Variants in GALNT13 observed in about 807,000 individuals in gnomAD.
GALNT13 encodes UDP-GalNAc:polypeptide N-acetylgalactosaminyltransferase 13.
GALNT13 carries 28 observed loss-of-function variants against 64.2 expected under a neutral mutation model. That is an observed-to-expected ratio of 0.44 (90% CI 0.32 to 0.60). The LOEUF (loss-of-function observed/expected upper bound fraction) is 0.60. Ranked by LOEUF, GALNT13 falls within the 20% of genes least tolerant of loss-of-function variation. The pLI is 0.05. For synonymous variants in GALNT13, 214 were observed against 224.6 expected (o/e 0.95, Z 0.42); for missense variants, 577 against 669.8 (o/e 0.86, Z 1.53).
At chr2:153,737,496 T>C in the GALNT13 span, among the ~76,000 whole-genome samples, 9 of 152,122 alleles carry the variant, frequency 5.9e-5, no homozygotes, top group Non-Finnish European at 1.3e-4. Flanking sequence ...GTGTAACATA[T>C]ATAAATATCT....
the GALNT13 span, among the ~76,000 whole-genome samples, chr2:153,767,273 G>A: frequency 1.3e-5 from 2 of 152,082 alleles, no homozygotes; most frequent in East Asian, 3.9e-4. Context: ...TTGCTGCAAA[G>A]GACATGAATT....
the GALNT13 span, among the ~76,000 whole-genome samples, chr2:153,700,926 T>C: frequency 6.6e-6 from 1 of 152,128 alleles, no homozygotes; most frequent in Admixed American, 6.5e-5. Flanking sequence ...CCCAAAATAA[T>C]TTATAGATTC....
intron 3 of GALNT13, among the ~76,000 whole-genome samples, chr2:153,998,614 A>G (rs1231413627): frequency 6.6e-6 from 1 of 152,086 alleles, no homozygotes; most frequent in East Asian, 1.9e-4. Flanking sequence ...CTCTGTTGAT[A>G]GTTTCTTTTG....
the GALNT13 span, among the ~76,000 whole-genome samples, chr2:153,309,714 G>A: frequency 6.6e-6 from 1 of 151,500 alleles, no homozygotes; most frequent in South Asian, 2.1e-4. Context: ...CTCATTTTTT[G>A]ATTTTTTTAA....
chr2:153,998,988 T>C (rs969055924), intron 3 of GALNT13, among the ~76,000 whole-genome samples: 12 of 152,138 alleles, frequency 7.9e-5, no homozygotes, highest in African/African-American at 2.9e-4. Context: ...AAGTAATTTA[T>C]AGAATCATGC....
rs201727334 is a variant in GALNT13 at position 154,228,256 on chromosome 2, C to CT, written c.312-13765dup. 2.7e-4 allele frequency among the ~76,000 whole-genome samples: 41 copies of CT among 151,576 alleles called. No individual in the cohort carries two copies. In the South Asian group the frequency reaches 7.3e-3, roughly 27 times the overall value. On this transcript the variant is annotated intron_variant, in intron 4 of 12. Transcript: ENST00000392825. ...AAATGAGCGCTGGCAGAGATCTACA[C>CT]TTTTTTTTTCCCCCTAAATGGGAAA...
chr2:154,426,598 A>G (rs1393261745), intron 11 of GALNT13, among the ~76,000 whole-genome samples: 1 of 152,216 alleles, frequency 6.6e-6, no homozygotes, highest in Non-Finnish European at 1.5e-5. Context: ...TGCAATTTAT[A>G]TTCTTCAATA....
chr2:153,780,774 CA>C, the GALNT13 span, among the ~76,000 whole-genome samples: 1 of 152,016 alleles, frequency 6.6e-6, no homozygotes, highest in African/African-American at 2.4e-5. Context: ...TTGAGAACAG[CA>C]AAAATATTGC....
the GALNT13 span, among the ~76,000 whole-genome samples, chr2:153,359,259 T>C: frequency 6.6e-6 from 1 of 152,190 alleles, no homozygotes; most frequent in Non-Finnish European, 1.5e-5. Flanking sequence ...TTAATGAATA[T>C]AGCCAATTGC....
the GALNT13 span, among the ~76,000 whole-genome samples, chr2:153,295,995 C>G: frequency 3.3e-5 from 5 of 152,284 alleles, no homozygotes; most frequent in African/African-American, 1.2e-4. Flanking sequence ...AAGGGCTACA[C>G]ATTAGAGCGC....
intron 3 of GALNT13, among the ~76,000 whole-genome samples, chr2:154,003,380 G>A (rs1428382234): frequency 6.6e-6 from 1 of 152,158 alleles, no homozygotes; most frequent in African/African-American, 2.4e-5. Context: ...GCCTGCTTGG[G>A]AGACGTGGGC....
chr2:153,254,042 G>A, the GALNT13 span, among the ~76,000 whole-genome samples: 18 of 152,278 alleles, frequency 1.2e-4, no homozygotes, highest in African/African-American at 4.1e-4. Context: ...CAGAAGGAAT[G>A]GTACCAGTTC....
chr2:153,827,757 AAC>A, the GALNT13 span, among the ~76,000 whole-genome samples: 1 of 152,124 alleles, frequency 6.6e-6, no homozygotes, highest in Non-Finnish European at 1.5e-5. Context: ...CCAAAGTCTT[AAC>A]TCATTTCAGC....
At chr2:154,077,339 C>A (rs2105404382) in intron 3 of GALNT13, among the ~76,000 whole-genome samples, 1 of 151,472 alleles carries the variant, frequency 6.6e-6, no homozygotes, top group Admixed American at 6.6e-5. Context: ...TGGTTTATGT[C>A]TAATCTTTGA....
At chr2:153,097,282 A>G in the GALNT13 span, among the ~76,000 whole-genome samples, 6 of 152,110 alleles carry the variant, frequency 3.9e-5, no homozygotes, top group South Asian at 2.1e-4. Context: ...TTTTCTACCT[A>G]GGATAAGAGT....
At chr2:153,723,647 C>T in the GALNT13 span, among the ~76,000 whole-genome samples, 1 of 152,026 alleles carries the variant, frequency 6.6e-6, no homozygotes, top group African/African-American at 2.4e-5. Flanking sequence ...ACAAGCATTC[C>T]TATACACCAA....
the GALNT13 span, among the ~76,000 whole-genome samples, chr2:153,606,242 T>TAC: frequency 5.3e-5 from 8 of 152,086 alleles, no homozygotes; most frequent in Non-Finnish European, 1.2e-4. Flanking sequence ...CATACGTATA[T>TAC]ACACACACAT....
the GALNT13 span, among the ~76,000 whole-genome samples, chr2:153,764,564 A>C: frequency 6.6e-6 from 1 of 152,172 alleles, no homozygotes; most frequent in African/African-American, 2.4e-5. Context: ...TAAAAGATGA[A>C]AGTTGGAAAA....
chr2:154,381,213 A>G (rs1698254194), intron 9 of GALNT13, among the ~76,000 whole-genome samples: 1 of 152,070 alleles, frequency 6.6e-6, no homozygotes, highest in Admixed American at 6.6e-5. Flanking sequence ...CAAGTAAACA[A>G]TCCTTGGAAA....
Sources: gnomAD v4.1 joint callset for allele counts (sites outside exome capture counted in the v4.1 genomes callset) on GRCh38, gnomAD v4.1.1 for gene constraint, MANE v1.5 for transcripts, NCBI Gene and HGNC (gene_info 2026-07-23, HGNC 2026-07-21) for gene names.